AGMO: variants seen among roughly 807,000 people sequenced by gnomAD.
The protein encoded by AGMO is glyceryl-ether monooxygenase.
Under a neutral mutation model 60.2 loss-of-function variants are expected in AGMO, and 75 were observed. That is an observed-to-expected ratio of 1.25 (90% CI 1.03 to 1.51). The LOEUF (loss-of-function observed/expected upper bound fraction) is 1.51, where lower values mean the gene tolerates loss of function less well. AGMO is among the 40% of genes most tolerant of loss of function. The probability of loss-of-function intolerance (pLI) is 0.00; values close to 1 mark genes in which losing one functional copy is unlikely to be tolerated. For missense variants in AGMO, 763 were observed against 525.5 expected (o/e 1.45, Z -4.42); for synonymous variants, 261 against 177.1 (o/e 1.47, Z -3.76).
intron 3 of AGMO, among the ~76,000 whole-genome samples, chr7:15,470,657 T>A (rs1782429317): frequency 6.6e-6 from 1 of 151,974 alleles, no homozygotes; most frequent in Admixed American, 6.6e-5. Flanking sequence ...CAATCTTGTA[T>A]CACTTAAATA....
chr7:15,256,774 A>G (rs1783112027), intron 12 of AGMO, among the ~76,000 whole-genome samples: 1 of 152,214 alleles, frequency 6.6e-6, no homozygotes, highest in Non-Finnish European at 1.5e-5. Context: ...AATAGGCTAA[A>G]CCATATAGCC....
At chr7:15,404,960 T>C (rs1438973167) in intron 5 of AGMO, among the ~76,000 whole-genome samples, 1 of 151,894 alleles carries the variant, frequency 6.6e-6, no homozygotes, top group Non-Finnish European at 1.5e-5. Flanking sequence ...TATTTTCAGA[T>C]ACTAATATTT....
intron 12 of AGMO, among the ~76,000 whole-genome samples, chr7:15,243,761 C>CA (rs1356238810): frequency 6.6e-6 from 1 of 152,030 alleles, no homozygotes; most frequent in African/African-American, 2.4e-5. Flanking sequence ...TTTTTCAAAG[C>CA]ACGAAAAATT....
At chr7:15,323,127 G>C (rs950262378) in intron 12 of AGMO, among the ~76,000 whole-genome samples, 2 of 151,792 alleles carry the variant, frequency 1.3e-5, no homozygotes, top group Non-Finnish European at 1.5e-5. Flanking sequence ...GCAATCCTTG[G>C]AGTAATAAGA....
intron 12 of AGMO, among the ~76,000 whole-genome samples, chr7:15,241,312 T>C (rs976874374): frequency 1.3e-5 from 2 of 150,466 alleles, no homozygotes; most frequent in African/African-American, 2.5e-5. Flanking sequence ...TACAAAAAAT[T>C]AGCCGGGCGT....
At chr7:15,290,336 T>G (rs1276162021) in intron 12 of AGMO, among the ~76,000 whole-genome samples, 2 of 152,122 alleles carry the variant, frequency 1.3e-5, no homozygotes, top group Non-Finnish European at 2.9e-5. Flanking sequence ...CAAAGATCTC[T>G]TAGAACACTT....
At chr7:15,397,492 C>A (rs1296807027) in intron 5 of AGMO, among the ~76,000 whole-genome samples, 2 of 152,156 alleles carry the variant, frequency 1.3e-5, no homozygotes, top group Admixed American at 1.3e-4. Context: ...CGAGCGCGGC[C>A]AGAGCTGACG....
In AGMO at chr7:15,464,771, T is replaced by C. The variant is rs147186737; in HGVS notation, c.410-33663A>G. On this transcript the variant is annotated intron_variant, in intron 3 of 12. Coordinates refer to ENST00000342526, the MANE Select transcript of AGMO (RefSeq NM_001004320.2). ...GCACAGGCTTTCTTCCTAAAAAGAG[T>C]CACCAAGTCTGACTAGAAAAGAATA... 3.8e-4 allele frequency among the ~76,000 whole-genome samples: 58 copies of C among 152,184 alleles called. No homozygotes were observed. In the East Asian group the frequency reaches 7.9e-3, roughly 21 times the overall value.
At chr7:15,235,609 A>G (rs1782395058) in intron 12 of AGMO, among the ~76,000 whole-genome samples, 1 of 152,094 alleles carries the variant, frequency 6.6e-6, no homozygotes, top group Non-Finnish European at 1.5e-5. Context: ...TTCATTTTGT[A>G]TTTTAGAGAC....
chr7:15,190,681 A>G, the AGMO span, among the ~76,000 whole-genome samples: 2 of 152,184 alleles, frequency 1.3e-5, no homozygotes, highest in African/African-American at 4.8e-5. Flanking sequence ...AAACCTTATT[A>G]ATTCATTACC....
chr7:15,376,638 G>GT (rs546265221), intron 10 of AGMO, among the ~76,000 whole-genome samples: 3 of 152,066 alleles, frequency 2.0e-5, no homozygotes, highest in Admixed American at 6.6e-5. Flanking sequence ...TATTCAAACT[G>GT]TTTTTTGTGT....
chr7:15,125,479 C>A, the AGMO span, among the ~76,000 whole-genome samples: 2 of 152,088 alleles, frequency 1.3e-5, no homozygotes, highest in Middle Eastern at 3.2e-3. Flanking sequence ...TTTTAAATAA[C>A]TTCCAACTTT....
intron 3 of AGMO, among the ~76,000 whole-genome samples, chr7:15,451,106 T>A (rs1434339700): frequency 6.6e-6 from 1 of 152,154 alleles, no homozygotes; most frequent in Non-Finnish European, 1.5e-5. Flanking sequence ...AATTCCATCC[T>A]TTCATCTCTT....
At chr7:15,386,256 G>T (rs1318573114) in intron 9 of AGMO, among the ~76,000 whole-genome samples, 1 of 152,110 alleles carries the variant, frequency 6.6e-6, no homozygotes, top group Non-Finnish European at 1.5e-5. Flanking sequence ...TATTTTATTG[G>T]AAACAACTTT....
chr7:15,437,269 G>A (rs1308575037), intron 3 of AGMO, among the ~76,000 whole-genome samples: 1 of 152,088 alleles, frequency 6.6e-6, no homozygotes, highest in African/African-American at 2.4e-5. Context: ...AGCAAATACA[G>A]TTGGTGATGA....
intron 12 of AGMO, among the ~76,000 whole-genome samples, chr7:15,264,362 A>T (rs1783371050): frequency 6.6e-6 from 1 of 151,986 alleles, no homozygotes; most frequent in African/African-American, 2.4e-5. Flanking sequence ...AATAAAACCA[A>T]AGTAATGGAC....
rs1784102981 is a variant in AGMO at position 15,390,733 on chromosome 7, T to C, written c.760A>G (p.Asn254Asp). Residue 254 changes from asparagine (N) to aspartate (D), a missense_variant, in exon 8 of 13, where the codon AAT (asparagine) becomes GAT (aspartate). Physicochemically the swap from Asn to Asp is conservative, Grantham distance 23. Coordinates refer to ENST00000342526, the MANE Select transcript of AGMO (RefSeq NM_001004320.2). ...DKIFGTFEAE[N>D]EKVVYGLTHP... ...GTTAAGCCATATACAACTTTTTCAT[T>C]TTCTGCTTCAAATGTCCCTGGAAGA... is the stretch of plus-strand genomic sequence containing the variant. The C allele has an allele frequency of 6.2e-7, 1 of 1,611,042 alleles. No individual in the cohort carries two copies. The highest frequency in any genetic ancestry group is 1.1e-5 in the South Asian group (1 of 90,610).
chr7:15,483,846 A>G (rs1782837814), intron 3 of AGMO, among the ~76,000 whole-genome samples: 1 of 152,142 alleles, frequency 6.6e-6, no homozygotes, highest in Admixed American at 6.5e-5. Context: ...AAATTTATAT[A>G]AAGATTCAGG....
chr7:15,303,806 G>A (rs1263352098), intron 12 of AGMO, among the ~76,000 whole-genome samples: 3 of 152,086 alleles, frequency 2.0e-5, no homozygotes, highest in Non-Finnish European at 2.9e-5. Context: ...ATACATGTAT[G>A]TATACTCTTG....
Sources: gnomAD v4.1 joint callset for allele counts (sites outside exome capture counted in the v4.1 genomes callset) on GRCh38, gnomAD v4.1.1 for gene constraint, MANE v1.5 for transcripts, NCBI Gene and HGNC (gene_info 2026-07-23, HGNC 2026-07-21) for gene names.